Variants in PRKCA observed in about 807,000 individuals in gnomAD.
The protein encoded by PRKCA is protein kinase C alpha type.
In PRKCA, 27 loss-of-function variants were observed where a neutral mutation model predicts 87.0. The ratio of observed to expected loss-of-function variants is 0.31; its 90% confidence interval spans 0.23 to 0.43. PRKCA has a LOEUF of 0.43. Among genes scored for constraint, PRKCA ranks in the 20% least tolerant of loss-of-function variants. The pLI, the probability that PRKCA is intolerant of heterozygous loss-of-function variation, is 1.00. For missense variants in PRKCA, 518 were observed against 852.3 expected (o/e 0.61, Z 4.88); for synonymous variants, 329 against 311.1 (o/e 1.06, Z -0.61).
chr17:66,772,498 TAA>T (rs35329654), intron 13 of PRKCA, among the ~76,000 whole-genome samples: 17 of 147,978 alleles, frequency 1.1e-4, no homozygotes, highest in African/African-American at 3.5e-4. Flanking sequence ...TCTGGGCCAT[TAA>T]AAAAAAAAAA....
chr17:66,783,531 C>G (rs574485256), intron 14 of PRKCA, among the ~76,000 whole-genome samples: 2 of 152,252 alleles, frequency 1.3e-5, no homozygotes, highest in East Asian at 3.9e-4. Flanking sequence ...AATGAGCATA[C>G]GTGGGGACAG....
chr17:66,351,034 C>G (rs1907712603), intron 2 of PRKCA, among the ~76,000 whole-genome samples: 1 of 152,232 alleles, frequency 6.6e-6, no homozygotes, highest in South Asian at 2.1e-4. Flanking sequence ...CCAGTTTCCT[C>G]TGTCTTACTA....
chr17:66,651,111 G>A (rs1005729194), intron 5 of PRKCA, among the ~76,000 whole-genome samples: 8 of 152,142 alleles, frequency 5.3e-5, no homozygotes, highest in African/African-American at 1.9e-4. Context: ...AGTGGAGCCG[G>A]GAGGACAGGG....
intron 3 of PRKCA, among the ~76,000 whole-genome samples, chr17:66,563,534 A>G (rs1397023474): frequency 1.3e-5 from 2 of 152,178 alleles, no homozygotes; most frequent in Non-Finnish European, 2.9e-5. Flanking sequence ...ATCATATTCC[A>G]TCATCTGGGT....
At chr17:66,378,137 A>T (rs1909578420) in intron 2 of PRKCA, among the ~76,000 whole-genome samples, 1 of 152,014 alleles carries the variant, frequency 6.6e-6, no homozygotes, top group African/African-American at 2.4e-5. Context: ...AGCCTGGGCA[A>T]CATGGCAAAA....
In PRKCA at chr17:66,807,155, T is replaced by C. The variant is rs1976050079; in HGVS notation, c.*3118T>C. 1 of 152,364 alleles carries C rather than the reference T, an allele frequency of 6.6e-6. No individual in the cohort carries two copies. Among genetic ancestry groups the C allele is most frequent in the Admixed American group, 6.5e-5 (1 of 15,292 alleles). The allele number at this position is 152,364 out of a possible 1,614,324, so 9.4% of individuals were successfully genotyped here. Reference sequence around the variant, plus strand: ...CACGCAGGAGGTCCCTGGGGGATGCTTTGGGAAGTCCTTGCCCCTGAGCAC... The same window carrying C: ...CACGCAGGAGGTCCCTGGGGGATGCCTTGGGAAGTCCTTGCCCCTGAGCAC... On this transcript the variant is annotated 3_prime_UTR_variant, in exon 17 of 17. Coordinates refer to ENST00000413366, the MANE Select transcript of PRKCA (RefSeq NM_002737.3). The surrounding 1 kb of genome is among the most constrained non-coding windows in gnomAD (Gnocchi z 4.3).
At chr17:66,752,595 C>G (rs900549794) in intron 13 of PRKCA, among the ~76,000 whole-genome samples, 1 of 152,278 alleles carries the variant, frequency 6.6e-6, no homozygotes, top group East Asian at 1.9e-4. Context: ...GACTCTGTCA[C>G]CAAATAAATA....
At chr17:66,637,049 C>G (rs1026878367) in intron 3 of PRKCA, among the ~76,000 whole-genome samples, 1 of 152,150 alleles carries the variant, frequency 6.6e-6, no homozygotes, top group Non-Finnish European at 1.5e-5. Flanking sequence ...TGCTGGTTCT[C>G]CAGACTTAGG....
chr17:66,650,886 C>T (rs1368260976), intron 5 of PRKCA, among the ~76,000 whole-genome samples: 2 of 152,306 alleles, frequency 1.3e-5, no homozygotes, highest in African/African-American at 4.8e-5. Context: ...ACCCATTGAT[C>T]ATACATTATT....
chr17:66,729,608 A>T (rs1369701627), intron 8 of PRKCA, among the ~76,000 whole-genome samples: 1 of 151,964 alleles, frequency 6.6e-6, no homozygotes, highest in Non-Finnish European at 1.5e-5. Flanking sequence ...TTTCCACTAC[A>T]TGCTGCCAAC....
At chr17:66,325,009 C>G (rs1030724019) in intron 2 of PRKCA, among the ~76,000 whole-genome samples, 1 of 152,234 alleles carries the variant, frequency 6.6e-6, no homozygotes, top group African/African-American at 2.4e-5. Context: ...CTTGGAAGCT[C>G]TAAATTACCC....
intron 2 of PRKCA, among the ~76,000 whole-genome samples, chr17:66,377,726 T>A (rs1174498332): frequency 0.017 from 2,290 of 130,982 alleles, 40 homozygotes; most frequent in African/African-American, 0.061. Flanking sequence ...TATATATTTT[T>A]TTTTTTTTTT....
At chr17:66,579,463 C>T (rs898568695) in intron 3 of PRKCA, among the ~76,000 whole-genome samples, 2 of 152,148 alleles carry the variant, frequency 1.3e-5, no homozygotes, top group African/African-American at 4.8e-5. Flanking sequence ...AAGGGTTTAC[C>T]GTGTCAGGCA....
At chr17:66,742,469 C>T (rs1000715298) in intron 12 of PRKCA, among the ~76,000 whole-genome samples, 153 bp from the exon 13 acceptor site, 11 of 152,158 alleles carry the variant, frequency 7.2e-5, no homozygotes, top group Non-Finnish European at 1.6e-4. Flanking sequence ...AAGATATCAA[C>T]ACACATTGAC....
chr17:66,609,013 G>A (rs765190058), intron 3 of PRKCA, among the ~76,000 whole-genome samples: 180 of 152,308 alleles, frequency 1.2e-3, no homozygotes, highest in Non-Finnish European at 2.1e-3. Context: ...TGCAGTTTGC[G>A]TGAATGAAGA....
chr17:66,459,972 C>T (rs1045037680), intron 2 of PRKCA, among the ~76,000 whole-genome samples: 1 of 152,178 alleles, frequency 6.6e-6, no homozygotes, highest in African/African-American at 2.4e-5. Context: ...AAGGATGAAT[C>T]ATTCATGAAA....
At chr17:66,745,368 C>T (rs1030409849) in intron 13 of PRKCA, among the ~76,000 whole-genome samples, 3 of 152,190 alleles carry the variant, frequency 2.0e-5, no homozygotes, top group East Asian at 1.9e-4. Context: ...TATTGTCTAC[C>T]GTGTGCCAGG....
chr17:66,784,335 T>A lies in PRKCA; in HGVS notation c.1606-2532T>A, dbSNP rs531014974. ...ATCTCAGCTCAGTGCAACTTCCGCC[T>A]CCTGGGTTCAAGTGATTCTCGTGCC... is the stretch of plus-strand genomic sequence containing the variant. On this transcript the variant is annotated intron_variant, in intron 14 of 16. Transcript: ENST00000413366. Among the ~76,000 whole-genome samples, 222 of 152,334 alleles carry A rather than the reference T, an allele frequency of 1.5e-3. 2 individuals are homozygous for A. The highest frequency in any genetic ancestry group is 5.1e-3 in the African/African-American group (212 of 41,598).
rs994991539 is a variant in PRKCA at position 66,575,370 on chromosome 17, A to G, written c.289-65985A>G. ...GCGGTGGGCGGATCACCTGAGGTCAAGAGTTCTAGACCAGCATGGCCAACA... is the reference window on the plus strand; with the variant it reads ...GCGGTGGGCGGATCACCTGAGGTCAGGAGTTCTAGACCAGCATGGCCAACA... On this transcript the variant is annotated intron_variant, in intron 3 of 16. Transcript: ENST00000413366. Among the ~76,000 whole-genome samples the G allele has an allele frequency of 3.9e-5, 6 of 152,084 alleles. No individual in the cohort carries two copies. The East Asian group carries it at 1.2e-3, about 29-fold the overall frequency.
Sources: gnomAD v4.1 joint callset for allele counts (sites outside exome capture counted in the v4.1 genomes callset) on GRCh38, gnomAD v4.1.1 for gene constraint, Gnocchi (gnomAD v3.1) non-coding constraint, MANE v1.5 for transcripts, NCBI Gene and HGNC (gene_info 2026-07-23, HGNC 2026-07-21) for gene names.